CD40LG: variants seen among roughly 807,000 people sequenced by gnomAD.
CD40LG encodes CD40 ligand, also known as CD40 antigen ligand.
In CD40LG, 1 loss-of-function variant was observed where a neutral mutation model predicts 17.2. The ratio of observed to expected loss-of-function variants is 0.06; its 90% CI spans 0.02 to 0.28. The LOEUF is 0.28. CD40LG is among the 10% of genes least tolerant of loss of function. CD40LG has a pLI of 1.00. For synonymous variants in CD40LG, 66 were observed against 74.4 expected, an observed-to-expected ratio of 0.89 and a Z score of 0.58; for missense variants, 133 against 193.2, an observed-to-expected ratio of 0.69 and a Z score of 1.85.
chrX:136,650,496 GACACAGAC>G (rs1407629923), intron 2 of CD40LG, 99 bp downstream of exon 2: 5 of 733,015 alleles, frequency 6.8e-6, no homozygotes, highest in Non-Finnish European at 1.1e-5. Flanking sequence ...ATTGGTTATA[GACACAGAC>G]ACACAGACAC....
intron 1 of CD40LG, among the ~76,000 whole-genome samples, 166 bp from the exon 2 acceptor site, chrX:136,650,100 T>C (rs1161384548): frequency 8.9e-6 from 1 of 112,519 alleles, no homozygotes; most frequent in Non-Finnish European, 1.9e-5. Flanking sequence ...ATTTTTAAAC[T>C]GCAAATACAA....
intron 2 of CD40LG, among the ~76,000 whole-genome samples, chrX:136,651,919 C>T (rs984765225): frequency 4.1e-4 from 46 of 111,421 alleles, no homozygotes; most frequent in African/African-American, 1.2e-3. Flanking sequence ...GTCAGTCCCC[C>T]TCGTTTCTTA....
rs1233048320 is a variant in CD40LG at position 136,660,121 on chromosome X, C to CACACAT, written c.*711_*712insTACACA. 2 of 89,140 alleles carry CACACAT rather than the reference C, an allele frequency of 2.2e-5. No individual in the cohort carries two copies. Among genetic ancestry groups the CACACAT allele is most frequent in the African/African-American group, 9.5e-5 (2 of 21,030 alleles). The allele number at this position is 89,140 out of a possible 1,213,427, so 7.3% of individuals were successfully genotyped here. ...CCCCTTTCTAACACACACACACACA[C>CACACAT]ACACACACACACACACACACACACA... On this transcript the variant is annotated 3_prime_UTR_variant, in exon 5 of 5. Coordinates refer to ENST00000370629, the MANE Select transcript of CD40LG (RefSeq NM_000074.3).
intron 3 of CD40LG, among the ~76,000 whole-genome samples, chrX:136,655,542 A>C (rs1030905961): frequency 8.9e-6 from 1 of 111,950 alleles, no homozygotes; most frequent in African/African-American, 3.2e-5. Flanking sequence ...ACATACATAC[A>C]GGGATAGAGA....
At chrX:136,650,155 C>G (rs932840192) in intron 1 of CD40LG, 111 bp from the exon 2 acceptor site, 19 of 536,874 alleles carry the variant, frequency 3.5e-5, no homozygotes, top group Admixed American at 2.8e-5. Context: ...TCCATTTATG[C>G]CTGAAAGTCC....
intron 4 of CD40LG, among the ~76,000 whole-genome samples, chrX:136,658,104 C>A: frequency 8.9e-6 from 1 of 111,983 alleles, no homozygotes; most frequent in Non-Finnish European, 1.9e-5. Flanking sequence ...TTCAGGATGC[C>A]TCCCTATTAG....
At chrX:136,655,130 A>C (rs770016910) in intron 3 of CD40LG, among the ~76,000 whole-genome samples, 1 of 111,410 alleles carries the variant, frequency 9.0e-6, no homozygotes, top group Admixed American at 9.5e-5. Context: ...TTGTTCCTAT[A>C]ATCTCCACTC....
At chrX:136,649,808 A>T (rs2076098948) in intron 1 of CD40LG, among the ~76,000 whole-genome samples, 1 of 112,643 alleles carries the variant, frequency 8.9e-6, no homozygotes, top group Non-Finnish European at 1.9e-5. Context: ...TGTAATTAGA[A>T]CTCGTTAACT....
In CD40LG at chrX:136,659,055, A is replaced by G; in HGVS notation, c.426A>G (p.Glu142=). 1 of 1,210,966 alleles carries G rather than the reference A, an allele frequency of 8.3e-7. No individual in the cohort carries two copies. The highest frequency in any genetic ancestry group is 1.8e-5 in the South Asian group (1 of 56,999). The change falls in exon 5 of 5, where the codon GAA becomes GAG. Residue 142 remains glutamate (E), a synonymous_variant. Transcript: ENST00000370629. ...TTGTAACAGTGTTACAGTGGGCTGAAAAAGGATACTACACCATGAGCAACA... is the reference window on the plus strand; with the variant it reads ...TTGTAACAGTGTTACAGTGGGCTGAGAAAGGATACTACACCATGAGCAACA... ...SKTTSVLQWA[E]KGYYTMSNNL...
intron 4 of CD40LG, 121 bp downstream of exon 4, chrX:136,656,539 A>G (rs76673289): frequency 0.012 from 7,001 of 578,667 alleles, 240 homozygotes; most frequent in East Asian, 0.12. Flanking sequence ...ACCTACCCCT[A>G]CACTTCTCCT....
chrX:136,649,477 T>A (rs2076098116), intron 1 of CD40LG, among the ~76,000 whole-genome samples: 1 of 112,489 alleles, frequency 8.9e-6, no homozygotes, highest in African/African-American at 3.2e-5. Flanking sequence ...TGATGTGCTC[T>A]GTCAATCAAA....
intron 2 of CD40LG, among the ~76,000 whole-genome samples, chrX:136,650,782 A>G (rs749669655): frequency 9.0e-6 from 1 of 111,692 alleles, no homozygotes; most frequent in Admixed American, 9.4e-5. Context: ...CCAGGGAAGC[A>G]ATAGCCGTCA....
In CD40LG at chrX:136,659,677, A is replaced by G. The variant is rs751823324; in HGVS notation, c.*262A>G. 8 of 380,100 alleles carry G rather than the reference A, an allele frequency of 2.1e-5. No individual in the cohort carries two copies. The highest frequency in any genetic ancestry group is 5.6e-5 in the South Asian group (1 of 17,919). The allele number at this position is 380,100 out of a possible 1,213,427, so 31.3% of individuals were successfully genotyped here. On this transcript the variant is annotated 3_prime_UTR_variant, in exon 5 of 5. Transcript: ENST00000370629. ...CTGATGCAGACATCCAGAGAGTCCTATGAAAAGACAAGGCCATTATGCACA... is the reference window on the plus strand; with the variant it reads ...CTGATGCAGACATCCAGAGAGTCCTGTGAAAAGACAAGGCCATTATGCACA...
Position 136,660,105 on chromosome X carries a change from A to AACACACACACATAAAC in CD40LG, c.*701_*702insTAAACACACACACACA, listed in dbSNP as rs1491100265. On this transcript the variant is annotated 3_prime_UTR_variant, in exon 5 of 5. Coordinates refer to ENST00000370629, the MANE Select transcript of CD40LG (RefSeq NM_000074.3). The stretch of plus-strand genomic sequence containing the variant: ...GTCTCTCTTCTCAATCCCCCTTTCT[A>AACACACACACATAAAC]ACACACACACACACACACACACACA... 2.6e-4 allele frequency: 10 copies of AACACACACACATAAAC among 37,982 alleles called. 1 individual carries two copies. Among genetic ancestry groups the AACACACACACATAAAC allele is most frequent in the East Asian group, 8.1e-4 (1 of 1,237 alleles). 3.1% of individuals were successfully genotyped at this position (37,982 alleles called of 1,213,427 possible). A position where few individuals can be genotyped will look rare whatever the true frequency, so the allele number is the denominator to read the frequency against.
intron 2 of CD40LG, among the ~76,000 whole-genome samples, chrX:136,652,817 T>C (rs2076107916): frequency 8.9e-6 from 1 of 111,745 alleles, no homozygotes; most frequent in Admixed American, 9.5e-5. Context: ...GCCAAAGCAT[T>C]TCTATTTCAA....
chrX:136,652,575 C>T (rs2076107093), intron 2 of CD40LG, among the ~76,000 whole-genome samples: 1 of 111,302 alleles, frequency 9.0e-6, no homozygotes, highest in East Asian at 2.8e-4. Flanking sequence ...AAGTGGTCAT[C>T]CAATCTCTGT....
Position 136,654,354 on chromosome X carries a change from G to T in CD40LG, c.289-19G>T, listed in dbSNP as rs2148552369. 5 of 1,155,988 alleles carry T rather than the reference G, an allele frequency of 4.3e-6. No individual in the cohort carries two copies. Among genetic ancestry groups the T allele is most frequent in the Non-Finnish European group, 5.9e-6 (5 of 844,692 alleles). On this transcript the variant is annotated intron_variant, in intron 2 of 4. Transcript: ENST00000370629. ...AGAGCCCCTGTCAAAATGACCTCTTGCAATGCTTCTTATTTTAGGATATAA... is the reference window on the plus strand; with the variant it reads ...AGAGCCCCTGTCAAAATGACCTCTTTCAATGCTTCTTATTTTAGGATATAA...
At chrX:136,648,473 C>A in intron 1 of CD40LG, 69 bp downstream of exon 1, 1 of 944,957 alleles carries the variant, frequency 1.1e-6, no homozygotes, top group Non-Finnish European at 1.5e-6. Context: ...TGGTTCTACC[C>A]AAATGATGGA....
intron 4 of CD40LG, among the ~76,000 whole-genome samples, chrX:136,657,557 C>G (rs1368797429): frequency 8.9e-6 from 1 of 111,779 alleles, no homozygotes; most frequent in African/African-American, 3.3e-5. Context: ...TTTACTTCAC[C>G]ATGGCTTAGA....
Sources: allele counts gnomAD v4.1 joint callset (sites outside exome capture counted in the v4.1 genomes callset), GRCh38; gene constraint gnomAD v4.1.1; transcripts MANE v1.5; gene names NCBI Gene and HGNC (gene_info 2026-07-23, HGNC 2026-07-21).